The following ERI3 variants were observed in gnomAD, a reference collection of about 807,000 sequenced individuals.
The protein encoded by ERI3 is ERI1 exoribonuclease family member 3, also known as ERI1 exoribonuclease 3.
A neutral mutation model predicts 44.4 loss-of-function variants in ERI3; 18 were observed. That is an observed-to-expected ratio of 0.41 (90% confidence interval 0.28 to 0.60). The LOEUF is 0.60. Ranked by LOEUF, ERI3 falls within the 20% of genes least tolerant of loss-of-function variation. The pLI, the probability that ERI3 is intolerant of heterozygous loss-of-function variation, is 0.36. For synonymous variants in ERI3, 183 were observed against 164.8 expected (o/e 1.11, Z -0.84); for missense variants, 294 against 435.5 (o/e 0.68, Z 2.89).
At chr1:44,281,876 ATATGTGTGTGTGTGTG>A (rs1645295640) in intron 7 of ERI3, among the ~76,000 whole-genome samples, 1 of 96,772 alleles carries the variant, frequency 1.0e-5, no homozygotes. Context: ...ATACATGTGC[ATATGTGTGTGTGTGTG>A]TGTGTGTGTG....
At chr1:44,306,075 T>C (rs2154327338) in intron 6 of ERI3, among the ~76,000 whole-genome samples, 1 of 152,322 alleles carries the variant, frequency 6.6e-6, no homozygotes, top group African/African-American at 2.4e-5. Flanking sequence ...TCTCCGGCTG[T>C]TTTTATTTTG....
At chr1:44,343,435 C>T (rs1206664000) in intron 2 of ERI3, among the ~76,000 whole-genome samples, 1 of 152,092 alleles carries the variant, frequency 6.6e-6, no homozygotes, top group Non-Finnish European at 1.5e-5. Context: ...AATCACACGA[C>T]GAGAAGAACA....
intron 8 of ERI3, among the ~76,000 whole-genome samples, chr1:44,242,877 C>T (rs1279562428): frequency 6.6e-6 from 1 of 152,188 alleles, no homozygotes; most frequent in African/African-American, 2.4e-5. Flanking sequence ...CAGCACCCCC[C>T]GCACCCCCCT....
intron 7 of ERI3, among the ~76,000 whole-genome samples, chr1:44,250,751 G>A (rs1398306964): frequency 6.6e-6 from 1 of 152,176 alleles, no homozygotes; most frequent in African/African-American, 2.4e-5. Flanking sequence ...GGCGGGAGAG[G>A]GGGTGGCGCA....
intron 7 of ERI3, among the ~76,000 whole-genome samples, chr1:44,249,754 G>A (rs1158859400): frequency 6.6e-6 from 1 of 152,166 alleles, no homozygotes; most frequent in African/African-American, 2.4e-5. Flanking sequence ...GCCAGTGGGT[G>A]GTGCATAGCC....
intron 3 of ERI3, among the ~76,000 whole-genome samples, chr1:44,332,509 G>C (rs1184278537): frequency 3.9e-5 from 6 of 152,208 alleles, no homozygotes; most frequent in Non-Finnish European, 8.8e-5. Flanking sequence ...ATAAACCCTG[G>C]GGAAGGTGGA....
chr1:44,310,951 T>TCGCGCACG (rs1553195169), intron 5 of ERI3, among the ~76,000 whole-genome samples: 2 of 95,026 alleles, frequency 2.1e-5, no homozygotes, highest in African/African-American at 8.4e-5. Context: ...TATGTGCACA[T>TCGCGCACG]CGCGCGCGCG....
intron 7 of ERI3, among the ~76,000 whole-genome samples, chr1:44,261,755 T>C (rs990278489): frequency 6.6e-6 from 1 of 152,194 alleles, no homozygotes; most frequent in African/African-American, 2.4e-5. Flanking sequence ...TTAGGTCAAA[T>C]TCCAGTGAAA....
chr1:44,333,754 C>A (rs2154330654), intron 3 of ERI3, among the ~76,000 whole-genome samples: 1 of 152,282 alleles, frequency 6.6e-6, no homozygotes, highest in South Asian at 2.1e-4. Context: ...TGTGGCAACT[C>A]TAGGTCACAC....
At chr1:44,320,310 T>G (rs535616431) in intron 3 of ERI3, among the ~76,000 whole-genome samples, 6 of 152,332 alleles carry the variant, frequency 3.9e-5, no homozygotes, top group African/African-American at 1.4e-4. Context: ...GCCTCCCACC[T>G]TTCAGGCAGC....
chr1:44,341,077 A>G (rs1015793510), intron 2 of ERI3, among the ~76,000 whole-genome samples: 3 of 152,244 alleles, frequency 2.0e-5, no homozygotes, highest in Non-Finnish European at 4.4e-5. Context: ...AATGTTCTAC[A>G]GTGTGCACAG....
chr1:44,289,332 A>T (rs1244490774), intron 6 of ERI3, among the ~76,000 whole-genome samples: 2 of 152,172 alleles, frequency 1.3e-5, no homozygotes, highest in South Asian at 4.1e-4. Flanking sequence ...TAAGGCCAGA[A>T]AGGGGGTCCG....
In ERI3 at chr1:44,307,211, T is replaced by G. The variant is rs149211927; in HGVS notation, c.758+1099A>C. Among the ~76,000 whole-genome samples the G allele has an allele frequency of 4.1e-3, 622 of 152,190 alleles. 3 individuals are homozygous for G. Among genetic ancestry groups the G allele is most frequent in the African/African-American group, 0.014 (592 of 41,524 alleles). On this transcript the variant is annotated intron_variant, in intron 6 of 8. Coordinates refer to ENST00000372257, the MANE Select transcript of ERI3 (RefSeq NM_024066.3). Reference sequence around the variant, plus strand: ...GATTTGGGGCCTTTTCTTCCTCCTGTCTCACCTAGAAAGTTGGGGTCCAAT... The same window carrying G: ...GATTTGGGGCCTTTTCTTCCTCCTGGCTCACCTAGAAAGTTGGGGTCCAAT...
chr1:44,352,990 G>T, intron 1 of ERI3, 65 bp from the exon 2 acceptor site: 1 of 1,607,936 alleles, frequency 6.2e-7, no homozygotes, highest in Non-Finnish European at 8.5e-7. Context: ...TCCCCATGAA[G>T]GATACTACAC....
chr1:44,236,294 G>A (rs192027880), intron 8 of ERI3, among the ~76,000 whole-genome samples: 1 of 152,292 alleles, frequency 6.6e-6, no homozygotes, highest in East Asian at 1.9e-4. Context: ...CTATGCTTTG[G>A]GGATATAAGC....
chr1:44,323,619 C>G (rs565129691), intron 3 of ERI3, among the ~76,000 whole-genome samples: 2 of 152,350 alleles, frequency 1.3e-5, no homozygotes, highest in Non-Finnish European at 2.9e-5. Flanking sequence ...CTCCAGTGCT[C>G]TCCAAGACAT....
At chr1:44,288,821 G>A (rs1645445825) in intron 6 of ERI3, among the ~76,000 whole-genome samples, 1 of 151,974 alleles carries the variant, frequency 6.6e-6, no homozygotes, top group African/African-American at 2.4e-5. Context: ...GGTATCAGTG[G>A]GTACATGGTT....
At chr1:44,311,992 C>T (rs1223447028) in intron 5 of ERI3, among the ~76,000 whole-genome samples, 1 of 152,144 alleles carries the variant, frequency 6.6e-6, no homozygotes, top group African/African-American at 2.4e-5. Context: ...AACTCTGACT[C>T]CCAACCAGAC....
intron 7 of ERI3, among the ~76,000 whole-genome samples, chr1:44,251,798 G>A (rs1045225392): frequency 1.3e-5 from 2 of 152,210 alleles, no homozygotes; most frequent in African/African-American, 4.8e-5. Context: ...CTGTGTACCT[G>A]GCAGCAACAT....
Sources: allele counts gnomAD v4.1 joint callset (sites outside exome capture counted in the v4.1 genomes callset), GRCh38; gene constraint gnomAD v4.1.1; transcripts MANE v1.5; gene names NCBI Gene and HGNC (gene_info 2026-07-23, HGNC 2026-07-21).